The following SLC35F2 variants were observed in gnomAD, a reference collection of about 807,000 sequenced individuals.
SLC35F2 encodes the protein solute carrier family 35 member F2.
Under a neutral mutation model 38.1 loss-of-function variants are expected in SLC35F2, and 25 were observed. The ratio of observed to expected loss-of-function variants is 0.66; its 90% CI spans 0.48 to 0.92. The LOEUF is 0.92. Among genes scored for constraint, SLC35F2 ranks in the 40% least tolerant of loss-of-function variants. The pLI is 0.00. For synonymous variants in SLC35F2, 173 were observed against 181.7 expected, an observed-to-expected ratio of 0.95 and a Z score of 0.38; for missense variants, 409 against 452.9, an observed-to-expected ratio of 0.90 and a Z score of 0.88.
rs1229231275 is a variant in SLC35F2 at position 107,804,767 on chromosome 11, C to T, written c.735G>A (p.Leu245=). Residue 245 remains leucine, a synonymous_variant, in exon 6 of 8, where the codon TTG becomes TTA. Coordinates refer to ENST00000525815, the MANE Select transcript of SLC35F2 (RefSeq NM_017515.5). Reference sequence around the variant, plus strand: ...TGGCAATATCCTTATATTCCACAATCAATCTAAGATTAAAACAAGAGGTCA... The same window carrying T: ...TGGCAATATCCTTATATTCCACAATTAATCTAAGATTAAAACAAGAGGTCA... ...FGTIISGIQL[L]IVEYKDIASI... is the part of the protein sequence containing the mutation. 1.2e-6 allele frequency: 2 copies of T among 1,605,276 alleles called. No individual in the cohort carries two copies. Among genetic ancestry groups the T allele is most frequent in the South Asian group, 1.1e-5 (1 of 88,868 alleles).
At chr11:107,826,488 T>C (rs1859757139) in intron 1 of SLC35F2, among the ~76,000 whole-genome samples, 1 of 152,072 alleles carries the variant, frequency 6.6e-6, no homozygotes, top group African/African-American at 2.4e-5. Flanking sequence ...AGGTGATCCA[T>C]TCTCCTTGGC....
At chr11:107,822,271 T>C (rs1275141685) in intron 1 of SLC35F2, among the ~76,000 whole-genome samples, 2 of 152,196 alleles carry the variant, frequency 1.3e-5, no homozygotes, top group Non-Finnish European at 2.9e-5. Flanking sequence ...GAAAAGATCA[T>C]GTGGCACTTT....
intron 1 of SLC35F2, among the ~76,000 whole-genome samples, chr11:107,831,007 G>A (rs1376287286): frequency 6.6e-6 from 1 of 152,098 alleles, no homozygotes; most frequent in Non-Finnish European, 1.5e-5. Context: ...TATGTATATG[G>A]CTACCCAGGT....
intron 1 of SLC35F2, among the ~76,000 whole-genome samples, chr11:107,844,335 G>C (rs534508994): frequency 1.3e-5 from 2 of 152,132 alleles, no homozygotes; most frequent in Non-Finnish European, 2.9e-5. Context: ...GCCGCAGAAA[G>C]TTATTATAAG....
At chr11:107,846,831 G>A (rs1487396262) in intron 1 of SLC35F2, among the ~76,000 whole-genome samples, 1 of 151,860 alleles carries the variant, frequency 6.6e-6, no homozygotes, top group Non-Finnish European at 1.5e-5. Flanking sequence ...TCAGGAGGCT[G>A]AGGCAGGAGA....
Position 107,806,721 on chromosome 11 carries a change from A to G in SLC35F2, c.570T>C (p.Asn190=). The G allele has an allele frequency of 1.2e-6, 2 of 1,614,024 alleles. No homozygotes were observed. The highest frequency in any genetic ancestry group is 1.7e-6 in the Non-Finnish European group (2 of 1,179,916). Residue 190 remains asparagine (N), a synonymous_variant, in exon 4 of 8, where the codon AAT becomes AAC. Transcript: ENST00000525815. The part of the protein sequence containing the change: ...GADILAGRED[N]SGSDVLIGDI... ...AAACATGTGACACCGTCTCACCTGA[A>G]TTGTCTTCCCTCCCTGCTAGTATGT...
At chr11:107,853,427 G>A (rs937339487) in intron 1 of SLC35F2, among the ~76,000 whole-genome samples, 7 of 152,084 alleles carry the variant, frequency 4.6e-5, no homozygotes, top group Non-Finnish European at 8.8e-5. Context: ...GTGAATGAAA[G>A]AATCAATGAG....
At chr11:107,799,893 GTT>G (rs71047621) in intron 7 of SLC35F2, among the ~76,000 whole-genome samples, 71,861 of 135,494 alleles carry the variant, frequency 0.53, 17,940 homozygotes, top group Non-Finnish European at 0.55. Flanking sequence ...GTTTGTTTTT[GTT>G]TTTTTTTTTT....
intron 3 of SLC35F2, among the ~76,000 whole-genome samples, chr11:107,807,802 T>G (rs1591188919): frequency 6.6e-6 from 1 of 152,310 alleles, no homozygotes; most frequent in South Asian, 2.1e-4. Flanking sequence ...CTCGAACTCC[T>G]GATGTCAGGT....
At chr11:107,817,914 G>A (rs1001567422) in intron 1 of SLC35F2, among the ~76,000 whole-genome samples, 4 of 151,276 alleles carry the variant, frequency 2.6e-5, no homozygotes, top group African/African-American at 4.9e-5. Flanking sequence ...AAAATTAGCC[G>A]GGTGTGATGG....
chr11:107,810,429 T>C, intron 3 of SLC35F2: 2 of 985,006 alleles, frequency 2.0e-6, no homozygotes, highest in Non-Finnish European at 2.4e-6. Flanking sequence ...GGAATTGTAA[T>C]CAAGTAATTA....
intron 7 of SLC35F2, among the ~76,000 whole-genome samples, chr11:107,794,924 A>C (rs1859194330): frequency 6.6e-6 from 1 of 152,232 alleles, no homozygotes. Context: ...ACTAGCTGAG[A>C]TAGAAACCAA....
chr11:107,842,257 CAAAAAAAAAAA>C (rs541185009), intron 1 of SLC35F2, among the ~76,000 whole-genome samples: 20 of 37,902 alleles, frequency 5.3e-4, no homozygotes, highest in South Asian at 1.9e-3. Context: ...CTCCGTCTCA[CAAAAAAAAAAA>C]AAAAAAAAAA....
At chr11:107,809,099 A>T (rs1366671442) in intron 3 of SLC35F2, among the ~76,000 whole-genome samples, 1 of 152,144 alleles carries the variant, frequency 6.6e-6, no homozygotes, top group East Asian at 1.9e-4. Context: ...GATCAGACGA[A>T]ATGATCACAC....
intron 7 of SLC35F2, among the ~76,000 whole-genome samples, chr11:107,800,385 TTG>T (rs909925152): frequency 6.6e-6 from 1 of 151,918 alleles, no homozygotes; most frequent in African/African-American, 2.4e-5. Flanking sequence ...CAGCTAAGTG[TTG>T]TGAGTTCATG....
At chr11:107,802,259 A>AATAAATAAATAAATAAATAAAT (rs1316212280) in intron 7 of SLC35F2, among the ~76,000 whole-genome samples, 60 of 151,796 alleles carry the variant, frequency 4.0e-4, no homozygotes, top group African/African-American at 1.3e-3. Flanking sequence ...ATAAATAATA[A>AATAAATAAATAAATAAATAAAT]AATAAAATAA....
chr11:107,840,758 G>A (rs1036681633), intron 1 of SLC35F2: 9 of 152,206 alleles, frequency 5.9e-5, no homozygotes, highest in Admixed American at 2.6e-4. Context: ...ATTCTGTAAA[G>A]TAATAAATCC....
intron 7 of SLC35F2, among the ~76,000 whole-genome samples, chr11:107,802,643 T>A (rs771016062): frequency 2.6e-5 from 4 of 152,246 alleles, no homozygotes; most frequent in African/African-American, 4.8e-5. Flanking sequence ...GCAAAAAGAA[T>A]GAATGGAAAA....
intron 5 of SLC35F2, 33 bp downstream of exon 5, chr11:107,805,326 T>C: frequency 6.4e-7 from 1 of 1,574,542 alleles, no homozygotes; most frequent in Non-Finnish European, 8.6e-7. Context: ...TATTTGCTTA[T>C]TTTGTCTTTA....
Sources: allele counts gnomAD v4.1 joint callset (sites outside exome capture counted in the v4.1 genomes callset), GRCh38; gene constraint gnomAD v4.1.1; transcripts MANE v1.5; gene names NCBI Gene and HGNC (gene_info 2026-07-23, HGNC 2026-07-21).